The following UBE4B variants were observed in gnomAD, a reference collection of about 807,000 sequenced individuals.
The protein encoded by UBE4B is ubiquitination factor E4B.
UBE4B carries 27 observed loss-of-function variants against 148.1 expected under a neutral mutation model. That is an observed-to-expected ratio of 0.18 (90% CI 0.13 to 0.25). The LOEUF is 0.25. Ranked by LOEUF, UBE4B falls within the 10% of genes least tolerant of loss-of-function variation. The pLI, the probability that UBE4B is intolerant of heterozygous loss-of-function variation, is 1.00. For missense variants in UBE4B, 1,170 were observed against 1,662.4 expected (o/e 0.70, Z 5.15); for synonymous variants, 596 against 619.3 (o/e 0.96, Z 0.56).
At chr1:10,035,401 T>TG (rs1183896299) in intron 1 of UBE4B, among the ~76,000 whole-genome samples, 1 of 135,900 alleles carries the variant, frequency 7.4e-6, no homozygotes, top group Non-Finnish European at 1.6e-5. Flanking sequence ...TTTTTTTTTT[T>TG]TTTTTTTTTT....
intron 3 of UBE4B, among the ~76,000 whole-genome samples, chr1:10,096,602 A>G (rs1246477687): frequency 6.6e-6 from 1 of 152,136 alleles, no homozygotes; most frequent in African/African-American, 2.4e-5. Context: ...GGCGCCTGTA[A>G]TCTCAGCTAC....
chr1:10,134,540 G>A (rs572160469), intron 15 of UBE4B, among the ~76,000 whole-genome samples: 101 of 151,704 alleles, frequency 6.7e-4, no homozygotes, highest in Middle Eastern at 3.4e-3. Flanking sequence ...AGAAAAGAAT[G>A]TATAAAATGC....
intron 25 of UBE4B, among the ~76,000 whole-genome samples, chr1:10,176,384 G>GTAATTCCATGTT (rs774939987): frequency 6.6e-6 from 1 of 152,142 alleles, no homozygotes; most frequent in Non-Finnish European, 1.5e-5. Context: ...TGGTCATGTG[G>GTAATTCCATGTT]TAATTCCATG....
chr1:10,142,586 G>T lies in UBE4B; in HGVS notation c.2364-2354G>T, dbSNP rs139871424. ...CTCAAGAGGTTGAGGCAGGAGAATC[G>T]CTTGAACACGGGAGACGGAGGTTGC... is the stretch of plus-strand genomic sequence containing the variant. On this transcript the variant is annotated intron_variant, in intron 17 of 27. Coordinates refer to ENST00000343090, the MANE Select transcript of UBE4B (RefSeq NM_001105562.3). Among the ~76,000 whole-genome samples the T allele has an allele frequency of 9.0e-3, 1,376 of 152,156 alleles. 18 individuals are homozygous for T. Among genetic ancestry groups the T allele is most frequent in the African/African-American group, 0.031 (1,296 of 41,506 alleles).
intron 17 of UBE4B, among the ~76,000 whole-genome samples, chr1:10,137,921 C>CTTTTTTTT (rs70998351): frequency 2.4e-4 from 16 of 67,032 alleles, no homozygotes; most frequent in African/African-American, 3.4e-4. Context: ...CTTACTAATT[C>CTTTTTTTT]TTTTTTTTTT....
rs1173670392 is a variant in UBE4B at position 10,176,182 on chromosome 1, A to G, written c.3526-2462A>G. Among the ~76,000 whole-genome samples the G allele has an allele frequency of 2.0e-5, 3 of 152,310 alleles. No individual in the cohort carries two copies. In the South Asian group the frequency reaches 6.2e-4, roughly 32 times the overall value. ...GTGTTGTAGAATGTATCAGTATTTC[A>G]TTCCTTTTTAAGGCTGAATAATATT... On this transcript the variant is annotated intron_variant, in intron 25 of 27. Coordinates refer to ENST00000343090, the MANE Select transcript of UBE4B (RefSeq NM_001105562.3).
intron 25 of UBE4B, among the ~76,000 whole-genome samples, chr1:10,176,873 C>T (rs955013419): frequency 6.6e-6 from 1 of 150,466 alleles, no homozygotes; most frequent in African/African-American, 2.4e-5. Flanking sequence ...GCAACCTCCA[C>T]CTCCCAGATT....
At chr1:10,160,835 T>C (rs141018701) in intron 22 of UBE4B, among the ~76,000 whole-genome samples, 20 of 152,124 alleles carry the variant, frequency 1.3e-4, no homozygotes, top group African/African-American at 4.6e-4. Flanking sequence ...TCCAGCTACT[T>C]AGGAGGCTGA....
intron 1 of UBE4B, among the ~76,000 whole-genome samples, chr1:10,038,198 T>G (rs538917220): frequency 6.6e-6 from 1 of 151,340 alleles, no homozygotes; most frequent in East Asian, 2.0e-4. Context: ...GAGAATTGCT[T>G]GAACCCGGGA....
intron 2 of UBE4B, among the ~76,000 whole-genome samples, chr1:10,088,916 C>T (rs992497852): frequency 2.0e-5 from 3 of 151,328 alleles, no homozygotes; most frequent in South Asian, 2.1e-4. Flanking sequence ...TGGGCTCAAG[C>T]GATCCTCCCA....
At chr1:10,179,239 A>G (rs1646471391) in intron 26 of UBE4B, 177 bp from the exon 27 acceptor site, 4 of 720,690 alleles carry the variant, frequency 5.6e-6, no homozygotes, top group Non-Finnish European at 8.7e-6. Context: ...TCCCCTTACA[A>G]AAGGCAATGT....
rs1479390819 is a variant in UBE4B at position 10,166,984 on chromosome 1, T to G, written c.3199-1152T>G. On this transcript the variant is annotated intron_variant, in intron 23 of 27. Coordinates refer to ENST00000343090, the MANE Select transcript of UBE4B (RefSeq NM_001105562.3). Reference sequence around the variant, plus strand: ...ACACACACACACAAAAAAAAAAAATTAGCTGGGCATGGTGGTCCACTCCTG... The same window carrying G: ...ACACACACACACAAAAAAAAAAAATGAGCTGGGCATGGTGGTCCACTCCTG... Among the ~76,000 whole-genome samples the G allele has an allele frequency of 3.6e-5, 5 of 140,546 alleles. No homozygotes were observed. In the East Asian group the frequency reaches 1.1e-3, roughly 31 times the overall value. 92.2% of individuals were successfully genotyped at this position (140,546 alleles called of 152,430 possible). A position where few individuals can be genotyped will look rare whatever the true frequency, so the allele number is the denominator to read the frequency against.
At chr1:10,120,318 T>A (rs1645389512) in intron 9 of UBE4B, among the ~76,000 whole-genome samples, 1 of 151,832 alleles carries the variant, frequency 6.6e-6, no homozygotes, top group Admixed American at 6.6e-5. Flanking sequence ...GTCAGGAGTT[T>A]GAGACTAGCC....
intron 1 of UBE4B, among the ~76,000 whole-genome samples, chr1:10,071,508 A>G (rs999677676): frequency 6.6e-6 from 1 of 152,124 alleles, no homozygotes; most frequent in African/African-American, 2.4e-5. Flanking sequence ...AGATTACTTG[A>G]GCCCAGGAGT....
At chr1:10,134,011 C>T (rs1285004876) in intron 15 of UBE4B, among the ~76,000 whole-genome samples, 1 of 150,940 alleles carries the variant, frequency 6.6e-6, no homozygotes, top group African/African-American at 2.5e-5. Context: ...GTTTGCACCA[C>T]TGCACTACAG....
chr1:10,169,905 C>T (rs565706248), intron 24 of UBE4B, among the ~76,000 whole-genome samples: 2 of 152,314 alleles, frequency 1.3e-5, no homozygotes, highest in East Asian at 1.9e-4. Context: ...ATCCCAGCTA[C>T]TTGGGAAGCT....
chr1:10,094,790 A>G (rs968446845), intron 2 of UBE4B, among the ~76,000 whole-genome samples: 9 of 151,692 alleles, frequency 5.9e-5, no homozygotes, highest in African/African-American at 2.2e-4. Flanking sequence ...GTTTATTAAT[A>G]TATCCTTTTA....
intron 1 of UBE4B, among the ~76,000 whole-genome samples, chr1:10,060,466 A>T (rs1644262975): frequency 6.6e-6 from 1 of 152,180 alleles, no homozygotes; most frequent in African/African-American, 2.4e-5. Context: ...AGATCTGGTG[A>T]TCTGACATTG....
At chr1:10,069,242 G>C (rs1182552722) in intron 1 of UBE4B, among the ~76,000 whole-genome samples, 1 of 152,166 alleles carries the variant, frequency 6.6e-6, no homozygotes, top group East Asian at 1.9e-4. Context: ...CAATGATAAT[G>C]ATAACGTCAA....
Sources: gnomAD v4.1 joint callset for allele counts (sites outside exome capture counted in the v4.1 genomes callset) on GRCh38, gnomAD v4.1.1 for gene constraint, MANE v1.5 for transcripts, NCBI Gene and HGNC (gene_info 2026-07-23, HGNC 2026-07-21) for gene names.